Variants in FMN2 observed in about 807,000 individuals in gnomAD.
FMN2 encodes formin-2.
FMN2 carries 51 observed loss-of-function variants against 142.3 expected under a neutral mutation model. That is an observed-to-expected ratio of 0.36 (90% CI 0.29 to 0.45). The LOEUF is 0.45. Among genes scored for constraint, FMN2 ranks in the 20% least tolerant of loss-of-function variants. The pLI, the probability that FMN2 is intolerant of heterozygous loss-of-function variation, is 1.00. For synonymous variants in FMN2, 882 were observed against 869.8 expected, an observed-to-expected ratio of 1.01 and a Z score of -0.25; for missense variants, 1,936 against 2,122.8, an observed-to-expected ratio of 0.91 and a Z score of 1.73.
intron 14 of FMN2, among the ~76,000 whole-genome samples, chr1:240,371,815 T>C (rs933216550): frequency 6.6e-6 from 1 of 152,156 alleles, no homozygotes; most frequent in African/African-American, 2.4e-5. Flanking sequence ...GTTTCCTAAG[T>C]CTCCTCTGAA....
At chr1:240,472,591 C>T in intron 17 of FMN2, 138 bp downstream of exon 17, 1 of 558,204 alleles carries the variant, frequency 1.8e-6, no homozygotes, top group South Asian at 2.6e-5. Flanking sequence ...TCAAGAATCT[C>T]CTTTTTCTTA....
chr1:240,234,900 C>T (rs1667651214), intron 6 of FMN2, among the ~76,000 whole-genome samples: 2 of 152,150 alleles, frequency 1.3e-5, no homozygotes, highest in South Asian at 4.1e-4. Flanking sequence ...ATGTCAGCTT[C>T]TAATGTTTGT....
intron 2 of FMN2, among the ~76,000 whole-genome samples, chr1:240,174,039 G>A (rs1664812963): frequency 6.6e-6 from 1 of 152,128 alleles, no homozygotes; most frequent in African/African-American, 2.4e-5. Flanking sequence ...GAGCCTCTCA[G>A]TCACTCCAGC....
At chr1:240,276,743 A>G (rs2102930627) in intron 7 of FMN2, among the ~76,000 whole-genome samples, 1 of 152,256 alleles carries the variant, frequency 6.6e-6, no homozygotes, top group East Asian at 1.9e-4. Flanking sequence ...AAATATCCTC[A>G]AGATTATATA....
intron 14 of FMN2, among the ~76,000 whole-genome samples, chr1:240,365,051 A>C (rs1050022937): frequency 2.0e-5 from 3 of 152,192 alleles, no homozygotes; most frequent in Non-Finnish European, 4.4e-5. Context: ...TCTTCTCACT[A>C]TTACTGTTCT....
At chr1:240,276,820 G>A (rs1018128631) in intron 7 of FMN2, among the ~76,000 whole-genome samples, 3 of 152,156 alleles carry the variant, frequency 2.0e-5, no homozygotes, top group African/African-American at 4.8e-5. Flanking sequence ...CAAGTGGCAA[G>A]GACGAAGAGA....
At chr1:240,121,765 A>C (rs1662267393) in intron 1 of FMN2, among the ~76,000 whole-genome samples, 2 of 147,684 alleles carry the variant, frequency 1.4e-5, no homozygotes, top group Non-Finnish European at 3.0e-5. Flanking sequence ...AAAAAAAAAA[A>C]AGTCCTTAAG....
At chr1:240,401,386 G>C (rs1047483552) in intron 15 of FMN2, among the ~76,000 whole-genome samples, 1 of 152,128 alleles carries the variant, frequency 6.6e-6, no homozygotes, top group East Asian at 1.9e-4. Flanking sequence ...TCAAAAAGTT[G>C]TTCTTCATTT....
intron 1 of FMN2, among the ~76,000 whole-genome samples, chr1:240,101,753 C>A (rs888339949): frequency 6.7e-6 from 1 of 149,770 alleles, no homozygotes; most frequent in Non-Finnish European, 1.5e-5. Flanking sequence ...CACTATGTTA[C>A]CCAGGCTGGT....
Position 240,315,681 on chromosome 1 carries a change from C to G in FMN2, c.4216-13395C>G, listed in dbSNP as rs564927866. On this transcript the variant is annotated intron_variant, in intron 8 of 17. Transcript: ENST00000319653. Reference sequence around the variant, plus strand: ...ATTTGATCATTCTTTTGAAAGTTCTCCTCAGTCCTTGGCATTTTAAAATAT... The same window carrying G: ...ATTTGATCATTCTTTTGAAAGTTCTGCTCAGTCCTTGGCATTTTAAAATAT... Among the ~76,000 whole-genome samples the G allele has an allele frequency of 2.0e-5, 3 of 152,250 alleles. No individual in the cohort carries two copies. The South Asian group carries it at 6.2e-4, about 32-fold the overall frequency.
chr1:240,428,567 A>G (rs748304436), intron 15 of FMN2, among the ~76,000 whole-genome samples: 2 of 152,200 alleles, frequency 1.3e-5, no homozygotes, highest in African/African-American at 4.8e-5. Context: ...TCCTTTTGAC[A>G]TGACCTTCTC....
At chr1:240,266,996 A>G (rs984056542) in intron 7 of FMN2, among the ~76,000 whole-genome samples, 7 of 152,136 alleles carry the variant, frequency 4.6e-5, no homozygotes, top group African/African-American at 1.7e-4. Flanking sequence ...TAAGAGTCGT[A>G]CAAGAAAACC....
rs186634195 is a variant in FMN2, at chr1:240,163,614, G to A, written c.1783-14307G>A. On this transcript the variant is annotated intron_variant, in intron 2 of 17. Coordinates refer to ENST00000319653, the MANE Select transcript of FMN2 (RefSeq NM_020066.5). ...TTCATTTGTATCTTCAATAAAGAGC[G>A]TAGGTTTGGAGCTCATTTTTTATCT... 2.4e-4 allele frequency among the ~76,000 whole-genome samples: 37 copies of A among 152,016 alleles called. No individual in the cohort carries two copies. The East Asian group carries it at 3.9e-3, about 16-fold the overall frequency.
At chr1:240,435,463 T>A (rs773276587) in intron 15 of FMN2, among the ~76,000 whole-genome samples, 1 of 151,620 alleles carries the variant, frequency 6.6e-6, no homozygotes, top group Non-Finnish European at 1.5e-5. Context: ...TTAGTTATAA[T>A]TTAGAGAATA....
rs190192774 is a variant in FMN2, at chr1:240,245,885, G to A, written c.4066-12060G>A. Among the ~76,000 whole-genome samples, 20 of 152,242 alleles carry A rather than the reference G, an allele frequency of 1.3e-4. No homozygotes were observed. In the East Asian group the frequency reaches 3.3e-3, roughly 25 times the overall value. The stretch of plus-strand genomic sequence containing the variant: ...CTCAGCCTGAGAGGAAAAGGATAGA[G>A]AAAGTAGAGGGCCAGCCAGGCACAG... On this transcript the variant is annotated intron_variant, in intron 6 of 17. Coordinates refer to ENST00000319653, the MANE Select transcript of FMN2 (RefSeq NM_020066.5).
At chr1:240,308,301 A>G (rs1670482108) in intron 8 of FMN2, among the ~76,000 whole-genome samples, 1 of 152,178 alleles carries the variant, frequency 6.6e-6, no homozygotes, top group African/African-American at 2.4e-5. Flanking sequence ...ATTGGTGGGG[A>G]CTAGCCCCTC....
intron 6 of FMN2, among the ~76,000 whole-genome samples, chr1:240,256,456 G>A (rs1668451942): frequency 6.6e-6 from 1 of 151,958 alleles, no homozygotes; most frequent in Non-Finnish European, 1.5e-5. Context: ...ATCAGGGCAG[G>A]GCCAGGCAGC....
intron 15 of FMN2, among the ~76,000 whole-genome samples, chr1:240,424,910 T>G (rs1219119699): frequency 6.6e-6 from 1 of 152,122 alleles, no homozygotes; most frequent in Admixed American, 6.5e-5. Flanking sequence ...CAGGAGACAG[T>G]CATTCTTTAA....
At chr1:240,317,334 A>G (rs75194974) in intron 8 of FMN2, among the ~76,000 whole-genome samples, 3,107 of 152,060 alleles carry the variant, frequency 0.02, 103 homozygotes, top group African/African-American at 0.072. Flanking sequence ...AAGATGTAAA[A>G]TGATTCCATC....
Sources: allele counts gnomAD v4.1 joint callset (sites outside exome capture counted in the v4.1 genomes callset), GRCh38; gene constraint gnomAD v4.1.1; transcripts MANE v1.5; gene names NCBI Gene and HGNC (gene_info 2026-07-23, HGNC 2026-07-21).